SYT1: variants seen among roughly 807,000 people sequenced by gnomAD.
SYT1 encodes the protein synaptotagmin-1.
In SYT1, 8 loss-of-function variants were observed where a neutral mutation model predicts 44.8. The ratio of observed to expected loss-of-function variants is 0.18; its 90% CI spans 0.10 to 0.32. SYT1 has a LOEUF of 0.32. Among genes scored for constraint, SYT1 ranks in the 10% least tolerant of loss-of-function variants. The pLI is 1.00. For missense variants in SYT1, 286 were observed against 509.3 expected, an observed-to-expected ratio of 0.56 and a Z score of 4.22; for synonymous variants, 154 against 188.8, an observed-to-expected ratio of 0.82 and a Z score of 1.51.
chr12:78,981,764 AC>A (rs1346765348), intron 2 of SYT1, among the ~76,000 whole-genome samples: 4 of 152,206 alleles, frequency 2.6e-5, no homozygotes, highest in African/African-American at 9.7e-5. Context: ...GTTATTGAAT[AC>A]CTACTATGTA....
intron 3 of SYT1, among the ~76,000 whole-genome samples, chr12:79,064,971 A>AGAAAGAAAGAAAGAAAGAAAGAAGGAAG (rs1565789417): frequency 5.4e-5 from 8 of 149,344 alleles, no homozygotes; most frequent in African/African-American, 2.0e-4. Context: ...AAAGAAAGAA[A>AGAAAGAAAGAAAGAAAGAAAGAAGGAAG]GAAAGAAAGA....
intron 3 of SYT1, among the ~76,000 whole-genome samples, chr12:79,108,864 G>A (rs1244775235): frequency 1.3e-5 from 2 of 152,104 alleles, no homozygotes; most frequent in African/African-American, 2.4e-5. Flanking sequence ...TTTAGTCCTT[G>A]AAATGGAAAT....
At chr12:79,113,066 A>G (rs1007674895) in intron 3 of SYT1, among the ~76,000 whole-genome samples, 4 of 152,182 alleles carry the variant, frequency 2.6e-5, no homozygotes, top group Non-Finnish European at 5.9e-5. Flanking sequence ...ATATCTATCA[A>G]TTCCAAAATG....
At chr12:79,349,047 A>AAG (rs1398969715) in intron 8 of SYT1, among the ~76,000 whole-genome samples, 54 of 143,396 alleles carry the variant, frequency 3.8e-4, no homozygotes, top group South Asian at 1.9e-3. Flanking sequence ...GAAAGAAAGA[A>AAG]AGAAAGAAAG....
chr12:79,094,902 G>C (rs1348489587), intron 3 of SYT1, among the ~76,000 whole-genome samples: 2 of 151,852 alleles, frequency 1.3e-5, no homozygotes, highest in African/African-American at 4.8e-5. Context: ...AAAAGATACA[G>C]GCTGCTGAAA....
chr12:79,120,094 T>C (rs1879511873), intron 3 of SYT1, among the ~76,000 whole-genome samples: 1 of 152,060 alleles, frequency 6.6e-6, no homozygotes, highest in South Asian at 2.1e-4. Context: ...GTTCTGCTGC[T>C]TGTGGGCAAT....
At chr12:78,936,991 C>T (rs1878098219) in intron 1 of SYT1, among the ~76,000 whole-genome samples, 1 of 152,096 alleles carries the variant, frequency 6.6e-6, no homozygotes, top group Non-Finnish European at 1.5e-5. Context: ...AAAAGGATGG[C>T]TCCCAGGTCC....
intron 4 of SYT1, among the ~76,000 whole-genome samples, chr12:79,235,518 T>A (rs1413520223): frequency 6.6e-6 from 1 of 151,354 alleles, no homozygotes; most frequent in African/African-American, 2.4e-5. Flanking sequence ...TTTCAAGGAG[T>A]CAAGCCTTCT....
chr12:78,869,548 A>G (rs964597285), intron 1 of SYT1, among the ~76,000 whole-genome samples: 4 of 151,938 alleles, frequency 2.6e-5, no homozygotes, highest in Admixed American at 2.0e-4. Context: ...TGCAATTTAA[A>G]ATATAATATT....
intron 2 of SYT1, among the ~76,000 whole-genome samples, chr12:78,997,857 A>G (rs1222408082): frequency 1.3e-5 from 2 of 152,170 alleles, no homozygotes; most frequent in East Asian, 1.9e-4. Flanking sequence ...GCTTCAAGGA[A>G]TAATTCTGGA....
At chr12:79,420,642 A>T (rs1177746974) in intron 9 of SYT1, among the ~76,000 whole-genome samples, 4 of 152,146 alleles carry the variant, frequency 2.6e-5, no homozygotes. Flanking sequence ...CACTTTTTCC[A>T]GTTCAAAGTA....
chr12:78,961,673 G>A (rs570125879), intron 1 of SYT1, among the ~76,000 whole-genome samples: 3 of 152,164 alleles, frequency 2.0e-5, no homozygotes, highest in Admixed American at 6.5e-5. Flanking sequence ...GCAATTCTTA[G>A]GCATTACTAA....
intron 3 of SYT1, among the ~76,000 whole-genome samples, chr12:79,146,329 T>C (rs1232693611): frequency 1.3e-5 from 2 of 152,124 alleles, no homozygotes; most frequent in African/African-American, 4.8e-5. Context: ...AAACAGTCCA[T>C]TGGAAGGACT....
intron 1 of SYT1, among the ~76,000 whole-genome samples, chr12:78,875,085 G>A (rs377342306): frequency 4.6e-5 from 7 of 151,768 alleles, no homozygotes; most frequent in South Asian, 4.1e-4. Context: ...TGTAAGGAAG[G>A]AGGGGTTATT....
At chr12:79,101,542 G>A (rs1356968505) in intron 3 of SYT1, among the ~76,000 whole-genome samples, 3 of 152,136 alleles carry the variant, frequency 2.0e-5, no homozygotes, top group Non-Finnish European at 4.4e-5. Context: ...AGTGGTGTTG[G>A]TTGTACAATG....
intron 3 of SYT1, 95 bp from the exon 4 acceptor site, chr12:79,217,408 C>A: frequency 9.2e-7 from 1 of 1,082,094 alleles, no homozygotes; most frequent in Non-Finnish European, 1.2e-6. Context: ...TGAGCAGGTG[C>A]CACCTCTGAT....
At chr12:79,333,844 A>G (rs1881968033) in intron 8 of SYT1, among the ~76,000 whole-genome samples, 1 of 152,222 alleles carries the variant, frequency 6.6e-6, no homozygotes, top group Non-Finnish European at 1.5e-5. Context: ...CAAACCAGCC[A>G]AATTCCCAAT....
intron 1 of SYT1, among the ~76,000 whole-genome samples, chr12:78,956,334 C>T (rs1416125479): frequency 6.6e-6 from 1 of 151,972 alleles, no homozygotes; most frequent in East Asian, 1.9e-4. Flanking sequence ...TGAATCCTAG[C>T]TCTTCTCCTT....
rs56934430 is a variant in SYT1, at chr12:79,300,789, T to TTATATATATATATA, written c.810+1260_810+1273dup. Among the ~76,000 whole-genome samples the TTATATATATATATA allele has an allele frequency of 2.4e-3, 212 of 89,554 alleles. 2 individuals are homozygous for TTATATATATATATA. Among genetic ancestry groups the TTATATATATATATA allele is most frequent in the Middle Eastern group, 7.8e-3 (1 of 128 alleles). 58.8% of individuals were successfully genotyped at this position (89,554 alleles called of 152,430 possible). On this transcript the variant is annotated intron_variant, in intron 8 of 10. Transcript: ENST00000261205. ...TGTATATAATATTCATGTATACTTA[T>TTATATATATATATA]TATATATATATATATATATATATAT...
Sources: gnomAD v4.1 joint callset for allele counts (sites outside exome capture counted in the v4.1 genomes callset) on GRCh38, gnomAD v4.1.1 for gene constraint, MANE v1.5 for transcripts, NCBI Gene and HGNC (gene_info 2026-07-23, HGNC 2026-07-21) for gene names.